Variants in AQP7B observed in about 807,000 individuals in gnomAD.
The protein encoded by AQP7B is aquaporin 7B.
At chr2:94,603,851 G>T in the AQP7B span, 26 of 1,431,218 alleles carry the variant, frequency 1.8e-5, no homozygotes, top group Non-Finnish European at 2.3e-5. Flanking sequence ...ATAAACACAG[G>T]ATATGCCATC....
chr2:94,602,343 T>C, the AQP7B span: 14 of 740,618 alleles, frequency 1.9e-5, no homozygotes, highest in Non-Finnish European at 2.5e-5. Context: ...GAGGGAAGGC[T>C]CTGGAGGAAG....
At chr2:94,589,383 T>G in the AQP7B span, among the ~76,000 whole-genome samples, 2 of 151,976 alleles carry the variant, frequency 1.3e-5, no homozygotes, top group Non-Finnish European at 2.9e-5. Flanking sequence ...CTGAGAGGCT[T>G]TCTGCAGTTA....
chr2:94,604,342 T>C, the AQP7B span: 2 of 1,611,060 alleles, frequency 1.2e-6, no homozygotes, highest in East Asian at 2.2e-5. Context: ...TGGGTGCCTC[T>C]CTAGGTGGCA....
the AQP7B span, among the ~76,000 whole-genome samples, chr2:94,587,744 C>T: frequency 6.6e-6 from 1 of 152,090 alleles, no homozygotes; most frequent in Non-Finnish European, 1.5e-5. Flanking sequence ...CTGAAGACCA[C>T]CAGCAGTGGA....
the AQP7B span, chr2:94,602,535 C>T: frequency 2.5e-6 from 4 of 1,604,132 alleles, no homozygotes; most frequent in African/African-American, 4.0e-5. Flanking sequence ...CTAAATAAAA[C>T]ATATGGGAGC....
chr2:94,604,599 C>T, the AQP7B span: 1 of 1,534,434 alleles, frequency 6.5e-7, no homozygotes, highest in East Asian at 2.3e-5. Context: ...GATCCCATCC[C>T]TTCCCCAATA....
At chr2:94,598,666 G>A in the AQP7B span, among the ~76,000 whole-genome samples, 10 of 152,216 alleles carry the variant, frequency 6.6e-5, no homozygotes, top group African/African-American at 9.7e-5. Flanking sequence ...TTTTTCAAGA[G>A]AGACGGAAAC....
chr2:94,602,366 A>C, the AQP7B span: 2 of 959,898 alleles, frequency 2.1e-6, no homozygotes, highest in South Asian at 3.5e-5. Flanking sequence ...GGCGTGGCAG[A>C]GGGTCTTCCA....
chr2:94,598,428 G>T, the AQP7B span, among the ~76,000 whole-genome samples: 1 of 152,172 alleles, frequency 6.6e-6, no homozygotes, highest in Non-Finnish European at 1.5e-5. Flanking sequence ...ATCAGGGAGA[G>T]GAGGGGCTGG....
the AQP7B span, chr2:94,602,499 G>A: frequency 1.2e-6 from 2 of 1,605,018 alleles, no homozygotes; most frequent in African/African-American, 2.7e-5. Flanking sequence ...TAGGTATTCG[G>A]CCTTGGTTCT....
chr2:94,594,309 C>T, the AQP7B span, among the ~76,000 whole-genome samples: 1 of 152,230 alleles, frequency 6.6e-6, no homozygotes, highest in African/African-American at 2.4e-5. Flanking sequence ...TGTTGCCAGG[C>T]CCTGGCCTGT....
At chr2:94,587,601 A>G in the AQP7B span, among the ~76,000 whole-genome samples, 2 of 152,138 alleles carry the variant, frequency 1.3e-5, no homozygotes, top group Non-Finnish European at 2.9e-5. Flanking sequence ...ACACAGGCAC[A>G]TACACCTTCT....
chr2:94,603,823 A>G, the AQP7B span: 1 of 1,495,096 alleles, frequency 6.7e-7, no homozygotes, highest in Non-Finnish European at 9.3e-7. Flanking sequence ...CGTGGTCATC[A>G]TCAGGGTGTC....
the AQP7B span, among the ~76,000 whole-genome samples, chr2:94,591,771 C>T: frequency 4.6e-5 from 7 of 152,110 alleles, no homozygotes; most frequent in Non-Finnish European, 8.8e-5. Flanking sequence ...TCCCTGCCTC[C>T]CTGGAGGCTC....
chr2:94,593,848 C>A, the AQP7B span, among the ~76,000 whole-genome samples: 22 of 152,096 alleles, frequency 1.4e-4, no homozygotes, highest in Non-Finnish European at 2.2e-4. Flanking sequence ...CAGTCCTATA[C>A]GTCTCCCTAT....
the AQP7B span, chr2:94,602,484 C>G: frequency 1.9e-6 from 3 of 1,602,610 alleles, no homozygotes; most frequent in Admixed American, 3.4e-5. Context: ...AGAGGCCCTC[C>G]CTTGTAGGTA....
chr2:94,601,940 G>T, the AQP7B span, among the ~76,000 whole-genome samples: 3 of 152,006 alleles, frequency 2.0e-5, no homozygotes, highest in African/African-American at 7.2e-5. Flanking sequence ...TGGGAATGCC[G>T]CCTGAGGTCA....
chr2:94,604,537 AC>A, the AQP7B span: 2 of 1,608,266 alleles, frequency 1.2e-6, no homozygotes, highest in Non-Finnish European at 1.7e-6. Flanking sequence ...ACTCTGCCCC[AC>A]CCTTACATGA....
the AQP7B span, among the ~76,000 whole-genome samples, chr2:94,600,727 A>C: frequency 6.6e-6 from 1 of 152,150 alleles, no homozygotes; most frequent in South Asian, 2.1e-4. Context: ...AAAATACAAA[A>C]AAATAGTTGG....
Sources: allele counts gnomAD v4.1 joint callset (sites outside exome capture counted in the v4.1 genomes callset), GRCh38; gene constraint gnomAD v4.1.1; transcripts MANE v1.5; gene names NCBI Gene and HGNC (gene_info 2026-07-23, HGNC 2026-07-21).